NF2: variants seen among roughly 807,000 people sequenced by gnomAD.
NF2 encodes NF2, moesin-ezrin-radixin like (MERLIN) tumor suppressor, also known as merlin.
A neutral mutation model predicts 83.7 loss-of-function variants in NF2; 8 were observed. The observed-to-expected ratio is 0.10, with a 90% CI of 0.06 to 0.17. The LOEUF is 0.17. Among genes scored for constraint, NF2 ranks in the 10% least tolerant of loss-of-function variants. NF2 has a pLI of 1.00. For synonymous variants in NF2, 266 were observed against 269.6 expected, an observed-to-expected ratio of 0.99 and a Z score of 0.13; for missense variants, 533 against 744.4, an observed-to-expected ratio of 0.72 and a Z score of 3.31.
chr22:29,690,062 G>A (rs5763425), intron 15 of NF2, among the ~76,000 whole-genome samples: 7,485 of 152,274 alleles, frequency 0.049, 452 homozygotes, highest in South Asian at 0.14. Flanking sequence ...GCTGGAAGCC[G>A]TCTGCTGCTG....
intron 1 of NF2, among the ~76,000 whole-genome samples, chr22:29,619,386 T>TTTTTTTTG (rs1555982229): frequency 2.0e-5 from 3 of 148,720 alleles, no homozygotes; most frequent in Non-Finnish European, 4.5e-5. Flanking sequence ...CATGGGTTTT[T>TTTTTTTTG]TTTGTTTGTT....
rs2146966580 is a variant in NF2, at chr22:29,654,673, C to T, written c.464C>T (p.Pro155Leu). 1 of 1,613,872 alleles carries T rather than the reference C, an allele frequency of 6.2e-7. No homozygotes were observed. Among genetic ancestry groups the T allele is most frequent in the South Asian group, 1.1e-5 (1 of 91,072 alleles). ...AVQAKYGDYD[P>L]SVHKRGFLAQ... ...TCTTTCCAGTATGGTGACTACGACC[C>T]CAGTGTTCACAAGCGGGGATTTTTG... The change falls in exon 5 of 16, where the codon CCC becomes CTC. Residue 155 changes from proline to leucine, a missense_variant. By Grantham distance (98) the Pro-to-Leu change is moderately conservative. Transcript: ENST00000338641.
At chr22:29,652,265 A>G (rs1213824179) in intron 4 of NF2, among the ~76,000 whole-genome samples, 1 of 152,146 alleles carries the variant, frequency 6.6e-6, no homozygotes, top group Admixed American at 6.5e-5. Flanking sequence ...TCTTTTGGAC[A>G]TCAGGTTTAT....
chr22:29,608,403 G>A (rs1188311783), intron 1 of NF2, among the ~76,000 whole-genome samples: 17 of 150,004 alleles, frequency 1.1e-4, no homozygotes, highest in Admixed American at 2.0e-4. Context: ...CTCAGCCACC[G>A]CACAGTGGCT....
chr22:29,681,390 G>A (rs751247810), intron 14 of NF2, 49 bp from the exon 15 acceptor site: 3 of 1,610,558 alleles, frequency 1.9e-6, no homozygotes, highest in South Asian at 2.2e-5. Flanking sequence ...CCTGAGCCGT[G>A]TCTCACTGTC....
intron 9 of NF2, among the ~76,000 whole-genome samples, chr22:29,666,521 C>T (rs1368379824): frequency 6.6e-6 from 1 of 151,766 alleles, no homozygotes; most frequent in Admixed American, 6.6e-5. Flanking sequence ...TCTTTGGAGT[C>T]TTGAGTATAC....
intron 15 of NF2, among the ~76,000 whole-genome samples, chr22:29,690,521 G>A (rs1037527887): frequency 1.3e-5 from 2 of 152,162 alleles, no homozygotes; most frequent in Non-Finnish European, 1.5e-5. Flanking sequence ...TGTTGGGCAG[G>A]AAGTAAAAGC....
Position 29,628,692 on chromosome 22 carries a change from G to A in NF2, c.115-8059G>A, listed in dbSNP as rs577641802. ...GTCACCCTAGCTGGAGTGCAGTGGCGTGATCTTGGTTTACTGCAACCTCTG... is the reference window on the plus strand; with the variant it reads ...GTCACCCTAGCTGGAGTGCAGTGGCATGATCTTGGTTTACTGCAACCTCTG... On this transcript the variant is annotated intron_variant, in intron 1 of 15. Coordinates refer to ENST00000338641, the MANE Select transcript of NF2 (RefSeq NM_000268.4). Among the ~76,000 whole-genome samples, 162 of 142,046 alleles carry A rather than the reference G, an allele frequency of 1.1e-3. 1 individual carries two copies. Among genetic ancestry groups the A allele is most frequent in the African/African-American group, 3.9e-3 (149 of 38,176 alleles). 93.2% of individuals were successfully genotyped at this position (142,046 alleles called of 152,430 possible).
chr22:29,688,831 CTG>C (rs1360727210), intron 15 of NF2, among the ~76,000 whole-genome samples: 1 of 152,244 alleles, frequency 6.6e-6, no homozygotes, highest in East Asian at 1.9e-4. Context: ...AGTGCTCCCA[CTG>C]TGCACATCAC....
chr22:29,685,947 C>T (rs932530719), intron 15 of NF2, among the ~76,000 whole-genome samples: 2 of 149,784 alleles, frequency 1.3e-5, no homozygotes, highest in African/African-American at 2.4e-5. Flanking sequence ...CTTACTCGCT[C>T]GCTCTCTCTT....
chr22:29,683,075 C>T, intron 15 of NF2: 1 of 1,614,178 alleles, frequency 6.2e-7, no homozygotes, highest in Non-Finnish European at 8.5e-7. Context: ...GTAGGTTGTT[C>T]CCAGGTACTC....
chr22:29,682,403 G>A (rs1415534887), intron 15 of NF2, among the ~76,000 whole-genome samples: 1 of 152,092 alleles, frequency 6.6e-6, no homozygotes, highest in African/African-American at 2.4e-5. Context: ...CAGTTTTATG[G>A]ACTGTCTCTG....
At chr22:29,640,402 C>T (rs932091420) in intron 3 of NF2, among the ~76,000 whole-genome samples, 1 of 152,068 alleles carries the variant, frequency 6.6e-6, no homozygotes, top group African/African-American at 2.4e-5. Flanking sequence ...GTAATTGTCC[C>T]ACCGAATTGA....
intron 15 of NF2, among the ~76,000 whole-genome samples, chr22:29,693,019 A>T (rs1404232400): frequency 1.3e-5 from 2 of 152,184 alleles, no homozygotes; most frequent in Non-Finnish European, 2.9e-5. Context: ...TATCTGACTC[A>T]AAGTGGCTGT....
At chr22:29,664,371 CCACACA>C (rs35386801) in intron 8 of NF2, among the ~76,000 whole-genome samples, 11,008 of 146,200 alleles carry the variant, frequency 0.075, 415 homozygotes, top group African/African-American at 0.082. Flanking sequence ...AAAGCTAATA[CCACACA>C]CACACACACA....
rs61432554 is a variant in NF2, at chr22:29,651,309, T to G, written c.448-3348T>G. Among the ~76,000 whole-genome samples the G allele has an allele frequency of 1.7e-3, 255 of 152,346 alleles. 4 individuals are homozygous for G. In the South Asian group the frequency reaches 0.023, roughly 14 times the overall value. On this transcript the variant is annotated intron_variant, in intron 4 of 15. Transcript: ENST00000338641. ...TTGGCTCCACAAGTCTTTTAAATGG[T>G]AAACTCCTTGAATTTAAATTCAATT...
chr22:29,642,021 T>C (rs1483187244), intron 3 of NF2, among the ~76,000 whole-genome samples, 181 bp from the exon 4 acceptor site: 1 of 152,212 alleles, frequency 6.6e-6, no homozygotes, highest in Non-Finnish European at 1.5e-5. Context: ...CAGTAACTTC[T>C]GTGACTGAAC....
intron 15 of NF2, among the ~76,000 whole-genome samples, chr22:29,688,828 C>T (rs548426772): frequency 6.6e-6 from 1 of 152,290 alleles, no homozygotes; most frequent in South Asian, 2.1e-4. Context: ...GATAGTGCTC[C>T]CACTGTGCAC....
chr22:29,613,781 A>G (rs1394953600), intron 1 of NF2, among the ~76,000 whole-genome samples: 1 of 148,638 alleles, frequency 6.7e-6, no homozygotes, highest in Non-Finnish European at 1.5e-5. Context: ...TTTTTTTGAG[A>G]TGGAGTCTCG....
Sources: gnomAD v4.1 joint callset for allele counts (sites outside exome capture counted in the v4.1 genomes callset) on GRCh38, gnomAD v4.1.1 for gene constraint, MANE v1.5 for transcripts, NCBI Gene and HGNC (gene_info 2026-07-23, HGNC 2026-07-21) for gene names.